The following TNC variants were observed in gnomAD, a reference collection of about 807,000 sequenced individuals.
TNC encodes the protein tenascin.
TNC carries 109 observed loss-of-function variants against 202.4 expected under a neutral mutation model. The observed-to-expected ratio is 0.54, with a 90% CI of 0.46 to 0.63. TNC has a LOEUF of 0.63. Ranked by LOEUF, TNC falls within the 30% of genes least tolerant of loss-of-function variation. The probability of loss-of-function intolerance (pLI) is 0.00; values close to 1 mark genes in which losing one functional copy is unlikely to be tolerated. For missense variants in TNC, 2,756 were observed against 2,833.3 expected (o/e 0.97, Z 0.62); for synonymous variants, 1,007 against 1,089.7 (o/e 0.92, Z 1.50).
chr9:115,043,597 A>T (rs1286785868), intron 17 of TNC, among the ~76,000 whole-genome samples: 1 of 152,244 alleles, frequency 6.6e-6, no homozygotes, highest in Admixed American at 6.5e-5. Context: ...CTCCCAGCAC[A>T]GCATCTGGCA....
At chr9:115,048,231 G>A in intron 16 of TNC, 29 bp downstream of exon 16, 1 of 1,607,310 alleles carries the variant, frequency 6.2e-7, no homozygotes. Flanking sequence ...CCAGGAAGAG[G>A]AACAAATGGC....
chr9:115,085,609 G>A (rs945534490), intron 3 of TNC, among the ~76,000 whole-genome samples: 3 of 152,182 alleles, frequency 2.0e-5, no homozygotes, highest in Admixed American at 2.0e-4. Context: ...GCTCTGTGAT[G>A]TGTCAGCTGT....
At position 115,064,770 on chromosome 9, in the gene TNC, C is replaced by T. The variant is rs186376870; in HGVS notation, c.3364G>A (p.Val1122Met). 33 of 1,614,156 alleles carry T rather than the reference C, an allele frequency of 2.0e-5. No homozygotes were observed. The highest frequency in any genetic ancestry group is 6.6e-5 in the South Asian group (6 of 91,084). Residue 1122 changes from valine to methionine, a missense_variant, in exon 11 of 28, where the codon GTG becomes ATG. Around this residue, in one of 2 missense-constraint regions of TNC, gnomAD observed 2,559 missense variants for 2,546.0 expected, o/e 1.01. Transcript: ENST00000350763. Reference sequence around the variant, plus strand: ...TCCACAGCCCGAAGGCTGCCAGGCACGGTGAGGTTCCGAGCTGCCTCCACC... The same window carrying T: ...TCCACAGCCCGAAGGCTGCCAGGCATGGTGAGGTTCCGAGCTGCCTCCACC... ...NKVEAARNLT[V>M]PGSLRAVDIP...
intron 1 of TNC, among the ~76,000 whole-genome samples, chr9:115,109,857 C>T (rs1303098022): frequency 6.6e-6 from 1 of 152,186 alleles, no homozygotes; most frequent in Non-Finnish European, 1.5e-5. Flanking sequence ...ACTTCAAGCT[C>T]TGGGCTTTCT....
intron 10 of TNC, among the ~76,000 whole-genome samples, chr9:115,068,297 A>G (rs899592104): frequency 6.6e-6 from 1 of 152,216 alleles, no homozygotes; most frequent in Non-Finnish European, 1.5e-5. Context: ...CTGGGAAATC[A>G]GAATTTTGAA....
chr9:115,100,560 A>G (rs1299575114), intron 1 of TNC, among the ~76,000 whole-genome samples: 1 of 152,224 alleles, frequency 6.6e-6, no homozygotes, highest in Non-Finnish European at 1.5e-5. Flanking sequence ...CTGATATTAA[A>G]ATCCAGAGAT....
chr9:115,026,063 T>C (rs905548575), intron 26 of TNC, among the ~76,000 whole-genome samples: 1 of 152,190 alleles, frequency 6.6e-6, no homozygotes, highest in African/African-American at 2.4e-5. Flanking sequence ...ACCAGCTATA[T>C]TGGCATCACC....
intron 1 of TNC, among the ~76,000 whole-genome samples, chr9:115,092,387 G>A (rs142579880): frequency 8.3e-4 from 126 of 152,248 alleles, no homozygotes; most frequent in African/African-American, 2.9e-3. Flanking sequence ...GCAGAGAAAA[G>A]GGGACTTGTT....
Position 115,044,368 on chromosome 9 carries a change from G to A in TNC, c.5126-2027C>T, listed in dbSNP as rs146636225. ...CCCTTTCCTGTCTTCTCCTGGTCCT[G>A]GAGCACAGGCATGTAGACACACACA... On this transcript the variant is annotated intron_variant, in intron 17 of 27. Transcript: ENST00000350763. Among the ~76,000 whole-genome samples, 3 of 146,522 alleles carry A rather than the reference G, an allele frequency of 2.0e-5. No individual in the cohort carries two copies. In the South Asian group the frequency reaches 6.7e-4, roughly 33 times the overall value.
At chr9:115,116,878 C>T (rs572915827) in intron 1 of TNC, among the ~76,000 whole-genome samples, 37 of 152,140 alleles carry the variant, frequency 2.4e-4, no homozygotes, top group South Asian at 8.3e-4. Context: ...AGATAAAAAG[C>T]GGGGGCTGGG....
intron 7 of TNC, 85 bp from the exon 8 acceptor site, chr9:115,076,660 C>A: frequency 6.8e-7 from 1 of 1,461,018 alleles, no homozygotes; most frequent in Non-Finnish European, 9.3e-7. Flanking sequence ...ACATATGAAA[C>A]GTGCCTGGAA....
intron 18 of TNC, 130 bp downstream of exon 18, chr9:115,042,089 T>C (rs1830798913): frequency 1.4e-6 from 2 of 1,385,618 alleles, no homozygotes; most frequent in East Asian, 4.6e-5. Flanking sequence ...TCTCTCCAGA[T>C]GGTCTCACAA....
intron 27 of TNC, among the ~76,000 whole-genome samples, chr9:115,022,793 G>A (rs1249411200): frequency 1.3e-5 from 2 of 152,168 alleles, no homozygotes; most frequent in East Asian, 3.8e-4. Flanking sequence ...GGGTAAAAAT[G>A]ATAAACCCTT....
chr9:115,030,591 C>G (rs1305109835), intron 23 of TNC, among the ~76,000 whole-genome samples, 186 bp from the exon 24 acceptor site: 2 of 152,192 alleles, frequency 1.3e-5, no homozygotes, highest in Non-Finnish European at 2.9e-5. Context: ...GGTCTTAGAG[C>G]TGATGATCAT....
intron 19 of TNC, 37 bp from the exon 20 acceptor site, chr9:115,038,417 G>T (rs1830492944): frequency 6.2e-7 from 1 of 1,609,486 alleles, no homozygotes; most frequent in Admixed American, 1.7e-5. Flanking sequence ...GGAAGTCATT[G>T]GGTGGGACAT....
In TNC at chr9:115,086,120, A is replaced by T. The variant is rs778464242; in HGVS notation, c.1611T>A (p.His537Gln). Reference sequence around the variant, plus strand: ...GCCCATTCACACAGCGACCCTGGCCATGGCAGTCATTTGGACAGGAGAGTT... The same window carrying T: ...GCCCATTCACACAGCGACCCTGGCCTTGGCAGTCATTTGGACAGGAGAGTT... ...CAELSCPNDC[H>Q]GQGRCVNGQC... The change falls in exon 3 of 28, where the codon CAT (histidine) becomes CAA (glutamine). Residue 537 changes from histidine (H) to glutamine (Q), a missense_variant. Physicochemically the swap from His to Gln is conservative, Grantham distance 24. This residue lies in a region of TNC where 2,559 missense variants were observed against 2,546.0 expected (regional missense o/e 1.01). Transcript: ENST00000350763. 1.9e-6 allele frequency: 3 copies of T among 1,613,866 alleles called. No homozygotes were observed. In the South Asian group the frequency reaches 3.3e-5, roughly 18 times the overall value.
At chr9:115,071,443 C>T (rs985746950) in intron 10 of TNC, among the ~76,000 whole-genome samples, 3 of 152,174 alleles carry the variant, frequency 2.0e-5, no homozygotes, top group Admixed American at 6.5e-5. Context: ...GGCTCTCATT[C>T]AGAAACAGAA....
intron 10 of TNC, among the ~76,000 whole-genome samples, chr9:115,068,343 G>T (rs1222849681): frequency 6.6e-6 from 1 of 152,198 alleles, no homozygotes; most frequent in African/African-American, 2.4e-5. Context: ...TGAGCAGCTG[G>T]TCTGGAGGAA....
At position 115,063,120 on chromosome 9, in the gene TNC, G is replaced by C. The variant is rs1176579954; in HGVS notation, c.3830C>G (p.Thr1277Ser). 6.2e-7 allele frequency: 1 copy of C among 1,614,176 alleles called. No homozygotes were observed. The highest frequency in any genetic ancestry group is 8.5e-7 in the Non-Finnish European group (1 of 1,180,030). ...VSWDALRLNWTTPDGTYDQFT... is the reference protein window; with the variant it reads ...VSWDALRLNWSTPDGTYDQFT... ...CTGGTCATAGGTTCCATCTGGCGTG[G>C]TCCAGTTCAGTCTGAGAGCATCCCA... is the stretch of plus-strand genomic sequence containing the variant. Residue 1277 changes from threonine to serine, a missense_variant, in exon 13 of 28, where the codon ACC (threonine) becomes AGC (serine). By Grantham distance (58) the Thr-to-Ser change is moderately conservative. Around this residue, in one of 2 missense-constraint regions of TNC, gnomAD observed 2,559 missense variants for 2,546.0 expected, o/e 1.01. Transcript: ENST00000350763.
Sources: allele counts gnomAD v4.1 joint callset (sites outside exome capture counted in the v4.1 genomes callset), GRCh38; gene constraint gnomAD v4.1.1; regional missense constraint gnomAD v4.1.1; transcripts MANE v1.5; gene names NCBI Gene and HGNC (gene_info 2026-07-23, HGNC 2026-07-21).